Variants in CD226 observed in about 807,000 individuals in gnomAD.
CD226 encodes CD226 molecule.
CD226 carries 24 observed loss-of-function variants against 34.9 expected under a neutral mutation model. The ratio of observed to expected loss-of-function variants is 0.69; its 90% CI spans 0.50 to 0.97. The LOEUF is 0.97. Among genes scored for constraint, CD226 ranks in the 50% least tolerant of loss-of-function variants. CD226 has a pLI of 0.00. For synonymous variants in CD226, 148 were observed against 147.4 expected, an observed-to-expected ratio of 1.00 and a Z score of -0.03; for missense variants, 397 against 412.7, an observed-to-expected ratio of 0.96 and a Z score of 0.33.
rs1001472851 is a variant in CD226 at position 69,858,468 on chromosome 18, C to T, written c.*5846G>A. The T allele has an allele frequency of 1.4e-4, 21 of 152,054 alleles. No individual in the cohort carries two copies. The highest frequency in any genetic ancestry group is 5.1e-4 in the African/African-American group (21 of 41,390). 9.4% of individuals were successfully genotyped at this position (152,054 alleles called of 1,614,324 possible). A position where few individuals can be genotyped will look rare whatever the true frequency, so the allele number is the denominator to read the frequency against. ...GCCTTCCAGATATATTTAAGAGACACTGATTTTGGAATAAGTCAGTGAATA... is the reference window on the plus strand; with the variant it reads ...GCCTTCCAGATATATTTAAGAGACATTGATTTTGGAATAAGTCAGTGAATA... On this transcript the variant is annotated 3_prime_UTR_variant, in exon 6 of 6. Transcript: ENST00000582621.
chr18:69,881,607 A>T (rs1187803211), intron 3 of CD226, among the ~76,000 whole-genome samples: 2 of 152,240 alleles, frequency 1.3e-5, no homozygotes, highest in Admixed American at 1.3e-4. Flanking sequence ...TGCATATTTA[A>T]TATGCATTTA....
intron 3 of CD226, among the ~76,000 whole-genome samples, chr18:69,880,666 T>C (rs1269801689): frequency 2.0e-5 from 3 of 151,056 alleles, no homozygotes; most frequent in African/African-American, 7.3e-5. Context: ...TTTTTTTTTT[T>C]TTTGAGACAG....
chr18:69,959,999 C>A (rs932545086), upstream of CD226, among the ~76,000 whole-genome samples: 12 of 152,158 alleles, frequency 7.9e-5, no homozygotes, highest in Non-Finnish European at 4.4e-5. Context: ...GTAATCCCAG[C>A]ACTTTGGGAG....
chr18:69,936,649 CAT>C (rs898929116), intron 2 of CD226, among the ~76,000 whole-genome samples: 8 of 152,094 alleles, frequency 5.3e-5, no homozygotes, highest in African/African-American at 7.2e-5. Flanking sequence ...TACACACACA[CAT>C]GGATATATAA....
chr18:69,907,365 G>A (rs2055267885), intron 2 of CD226, among the ~76,000 whole-genome samples: 1 of 152,162 alleles, frequency 6.6e-6, no homozygotes, highest in South Asian at 2.1e-4. Context: ...TGCCCAGGCT[G>A]GAGTGCAGTG....
intron 1 of CD226, among the ~76,000 whole-genome samples, chr18:69,954,155 G>T (rs2055877429): frequency 6.6e-6 from 1 of 152,070 alleles, no homozygotes; most frequent in African/African-American, 2.4e-5. Flanking sequence ...ACCCCATCTT[G>T]CTGTTGGCCA....
chr18:69,909,419 T>C (rs897508348), intron 2 of CD226, among the ~76,000 whole-genome samples: 5 of 152,140 alleles, frequency 3.3e-5, no homozygotes, highest in African/African-American at 1.2e-4. Context: ...CACTGCAAAT[T>C]TATGGTTTTA....
At chr18:69,885,151 T>C (rs1476664212) in intron 3 of CD226, among the ~76,000 whole-genome samples, 4 of 152,158 alleles carry the variant, frequency 2.6e-5, no homozygotes, top group Non-Finnish European at 5.9e-5. Context: ...TGTAGTGAAA[T>C]CAAGATAAAC....
At chr18:69,944,175 C>T (rs1485594460) in intron 2 of CD226, among the ~76,000 whole-genome samples, 1 of 152,106 alleles carries the variant, frequency 6.6e-6, no homozygotes, top group Non-Finnish European at 1.5e-5. Context: ...CTCTCAAACT[C>T]TCAAAATAGG....
At chr18:69,895,237 C>G (rs922425357) in intron 3 of CD226, among the ~76,000 whole-genome samples, 1 of 152,190 alleles carries the variant, frequency 6.6e-6, no homozygotes, top group Non-Finnish European at 1.5e-5. Context: ...AAACTGGCAA[C>G]CGCATTCTCA....
At chr18:69,947,148 T>A (rs1451932192) in intron 1 of CD226, 79 bp from the exon 2 acceptor site, 2 of 1,218,018 alleles carry the variant, frequency 1.6e-6, no homozygotes, top group African/African-American at 1.5e-5. Context: ...TTTGAAGACC[T>A]AGTGCATTGA....
intron 2 of CD226, among the ~76,000 whole-genome samples, chr18:69,900,507 C>G (rs2602150): frequency 6.6e-6 from 1 of 151,304 alleles, no homozygotes; most frequent in Non-Finnish European, 1.5e-5. Flanking sequence ...CCGAGGCGGG[C>G]GGATCACGAG....
In CD226 at chr18:69,867,391, C is replaced by T. The variant is rs1983213514; in HGVS notation, c.851G>A (p.Arg284Lys). 5 of 1,502,744 alleles carry T rather than the reference C, an allele frequency of 3.3e-6. No homozygotes were observed. Among genetic ancestry groups the T allele is most frequent in the Non-Finnish European group, 4.6e-6 (5 of 1,079,122 alleles). 93.1% of individuals were successfully genotyped at this position (1,502,744 alleles called of 1,614,324 possible). A position where few individuals can be genotyped will look rare whatever the true frequency, so the allele number is the denominator to read the frequency against. ...ATCCCAGGACTCTGTAAATAGATCT[C>T]TTCTCTCTCTCCTTCTCCTTCTGGA... ...FLNRRRRRER[R>K]DLFTESWDTQ... is the part of the protein sequence containing the mutation. Residue 284 changes from arginine to lysine, a missense_variant, in exon 5 of 6, where the codon AGA becomes AAA. Coordinates refer to ENST00000582621, the MANE Select transcript of CD226 (RefSeq NM_001303618.2).
chr18:69,867,256 A>G (rs1983203541), intron 5 of CD226, 101 bp downstream of exon 5: 1 of 736,354 alleles, frequency 1.4e-6, no homozygotes, highest in Non-Finnish European at 2.4e-6. Flanking sequence ...TGGTCAGGTT[A>G]CTGAAAGGAC....
In CD226 at chr18:69,947,053, C is replaced by T. The variant is rs185635787; in HGVS notation, c.63G>A (p.Val21=). Residue 21 remains valine, a synonymous_variant, in exon 2 of 6, where the codon GTG becomes GTA. Transcript: ENST00000582621. ...LHVYRALCEE[V]LWHTSVPFAE... ...CAAAGGGAACTGATGTATGCCAAAG[C>T]ACCTCTTCACATAGAGCTGAAATAT... is the stretch of plus-strand genomic sequence containing the variant. 31 of 1,613,502 alleles carry T rather than the reference C, an allele frequency of 1.9e-5. No homozygotes were observed. In the Admixed American group the frequency reaches 5.2e-4, roughly 27 times the overall value.
Position 69,864,020 on chromosome 18 carries a change from G to T in CD226, c.*294C>A. On this transcript the variant is annotated 3_prime_UTR_variant, in exon 6 of 6. Coordinates refer to ENST00000582621, the MANE Select transcript of CD226 (RefSeq NM_001303618.2). ...CAGTTTATGCCCATACTTAATTCTA[G>T]ACACAACATTTAAGCCCTGGTAAAT... is the stretch of plus-strand genomic sequence containing the variant. 1 of 233,552 alleles carries T rather than the reference G, an allele frequency of 4.3e-6. No individual in the cohort carries two copies. The highest frequency in any genetic ancestry group is 8.3e-6 in the Non-Finnish European group (1 of 120,560). The allele number at this position is 233,552 out of a possible 1,614,324, so 14.5% of individuals were successfully genotyped here.
chr18:69,954,652 C>T (rs954837605), intron 1 of CD226, among the ~76,000 whole-genome samples: 1 of 151,980 alleles, frequency 6.6e-6, no homozygotes, highest in African/African-American at 2.4e-5. Flanking sequence ...AAAAGGGGTA[C>T]TAACTGGTAA....
At chr18:69,900,374 CCT>C (rs1208248197) in intron 2 of CD226, among the ~76,000 whole-genome samples, 1 of 152,146 alleles carries the variant, frequency 6.6e-6, no homozygotes. Flanking sequence ...ACAATGAACC[CCT>C]GTGACACATA....
rs540617148 is a variant in CD226, at chr18:69,855,437, G to A, written c.*8877C>T. 5.9e-5 allele frequency: 9 copies of A among 152,238 alleles called. No individual in the cohort carries two copies. The South Asian group carries it at 1.9e-3, about 32-fold the overall frequency. 9.4% of individuals were successfully genotyped at this position (152,238 alleles called of 1,614,324 possible). A position where few individuals can be genotyped will look rare whatever the true frequency, so the allele number is the denominator to read the frequency against. Reference sequence around the variant, plus strand: ...GAAGAATGAATGACTTTGAAGCTAGGCCAATAGAAACTTTTCAAACTAAAA... The same window carrying A: ...GAAGAATGAATGACTTTGAAGCTAGACCAATAGAAACTTTTCAAACTAAAA... On this transcript the variant is annotated 3_prime_UTR_variant, in exon 6 of 6. Coordinates refer to ENST00000582621, the MANE Select transcript of CD226 (RefSeq NM_001303618.2).
Sources: allele counts gnomAD v4.1 joint callset (sites outside exome capture counted in the v4.1 genomes callset), GRCh38; gene constraint gnomAD v4.1.1; transcripts MANE v1.5; gene names NCBI Gene and HGNC (gene_info 2026-07-23, HGNC 2026-07-21).